The following PXDC1 variants were observed in gnomAD, a reference collection of about 807,000 sequenced individuals.
PXDC1 encodes PX domain-containing protein 1.
In PXDC1, 13 loss-of-function variants were observed where a neutral mutation model predicts 24.4. That is an observed-to-expected ratio of 0.53 (90% confidence interval 0.35 to 0.85). The LOEUF (loss-of-function observed/expected upper bound fraction) is 0.85, where lower values mean the gene tolerates loss of function less well. Ranked by LOEUF, PXDC1 falls within the 40% of genes least tolerant of loss-of-function variation. The probability of loss-of-function intolerance (pLI) is 0.01; values close to 1 mark genes in which losing one functional copy is unlikely to be tolerated. For missense variants in PXDC1, 344 were observed against 309.3 expected (o/e 1.11, Z -0.84); for synonymous variants, 162 against 124.9 (o/e 1.30, Z -1.98).
intron 3 of PXDC1, among the ~76,000 whole-genome samples, chr6:3,732,572 T>G (rs1760223359): frequency 6.6e-6 from 1 of 152,230 alleles, no homozygotes; most frequent in South Asian, 2.1e-4. Context: ...ACGCTCTAAA[T>G]TCTTGCTTTC....
At chr6:3,735,152 G>C (rs1055300623) in intron 3 of PXDC1, among the ~76,000 whole-genome samples, 2 of 152,148 alleles carry the variant, frequency 1.3e-5, no homozygotes, top group African/African-American at 4.8e-5. Context: ...ATGCCAAATA[G>C]CCAAAGCAAT....
In PXDC1 at chr6:3,750,217, G is replaced by A. The variant is rs1025807121; in HGVS notation, c.256+1059C>T. Among the ~76,000 whole-genome samples the A allele has an allele frequency of 3.9e-5, 6 of 152,376 alleles. No homozygotes were observed. In the South Asian group the frequency reaches 6.2e-4, roughly 16 times the overall value. Reference sequence around the variant, plus strand: ...ACAGGTTATCTCAAGAACGCAGCCAGATAGGAGGCTGGGGAGACTTGGACG... The same window carrying A: ...ACAGGTTATCTCAAGAACGCAGCCAAATAGGAGGCTGGGGAGACTTGGACG... On this transcript the variant is annotated intron_variant, in intron 1 of 4. Transcript: ENST00000380283.
At chr6:3,733,642 G>C (rs1760251564) in intron 3 of PXDC1, among the ~76,000 whole-genome samples, 1 of 152,170 alleles carries the variant, frequency 6.6e-6, no homozygotes, top group Admixed American at 6.5e-5. Context: ...CTGCAAGGCT[G>C]CAAGAGGCCA....
rs1263464968 is a variant in PXDC1 at position 3,728,252 on chromosome 6, C to G, written c.467-590G>C. Among the ~76,000 whole-genome samples the G allele has an allele frequency of 6.6e-6, 1 of 152,202 alleles. No individual in the cohort carries two copies. The highest frequency in any genetic ancestry group is 6.5e-5 in the Admixed American group (1 of 15,280). On this transcript the variant is annotated intron_variant, in intron 3 of 4. Coordinates refer to ENST00000380283, the MANE Select transcript of PXDC1 (RefSeq NM_183373.4). This position sits in a 1 kb window ranked among gnomAD's most constrained non-coding sequence, Gnocchi z 4.0. ...GGATCCATCACCCAAGCAGGGTACA[C>G]TATACCCAGTAAGTAGTCTTTTATC...
chr6:3,733,657 G>A (rs184543535), intron 3 of PXDC1, among the ~76,000 whole-genome samples: 15 of 152,236 alleles, frequency 9.9e-5, no homozygotes, highest in Admixed American at 5.2e-4. Flanking sequence ...AGGCCATACC[G>A]CCTGCCGCCT....
At position 3,728,016 on chromosome 6, in the gene PXDC1, G is replaced by A. The variant is rs377538869; in HGVS notation, c.467-354C>T. ...GTCTGCGTGTGAGAGCAGAGCTATG[G>A]CACAGTGACATGTGGCTCTGCCCAG... On this transcript the variant is annotated intron_variant, in intron 3 of 4. Transcript: ENST00000380283. The surrounding 1 kb of genome is among the most constrained non-coding windows in gnomAD (Gnocchi z 4.0). 2.5e-3 allele frequency among the ~76,000 whole-genome samples: 375 copies of A among 152,288 alleles called. 3 individuals are homozygous for A. The highest frequency in any genetic ancestry group is 3.9e-3 in the Non-Finnish European group (265 of 68,022).
At position 3,724,917 on chromosome 6, in the gene PXDC1, G is replaced by A. The variant is rs1175060085; in HGVS notation, c.579-1181C>T. 6.6e-6 allele frequency among the ~76,000 whole-genome samples: 1 copy of A among 152,068 alleles called. No individual in the cohort carries two copies. The highest frequency in any genetic ancestry group is 1.5e-5 in the Non-Finnish European group (1 of 68,040). ...AAGAAAGGCTGAGGCTGCAGAGGAAGGCCTCCCCTCTGACTCCATGGCCAG... is the reference window on the plus strand; with the variant it reads ...AAGAAAGGCTGAGGCTGCAGAGGAAAGCCTCCCCTCTGACTCCATGGCCAG... On this transcript the variant is annotated intron_variant, in intron 4 of 4. Coordinates refer to ENST00000380283, the MANE Select transcript of PXDC1 (RefSeq NM_183373.4). This position sits in a 1 kb window ranked among gnomAD's most constrained non-coding sequence, Gnocchi z 4.5.
rs762534682 is a variant in PXDC1 at position 3,728,521 on chromosome 6, G to A, written c.467-859C>T. Among the ~76,000 whole-genome samples the A allele has an allele frequency of 2.0e-5, 3 of 152,060 alleles. No homozygotes were observed. The highest frequency in any genetic ancestry group is 4.4e-5 in the Non-Finnish European group (3 of 68,012). On this transcript the variant is annotated intron_variant, in intron 3 of 4. Coordinates refer to ENST00000380283, the MANE Select transcript of PXDC1 (RefSeq NM_183373.4). This position sits in a 1 kb window ranked among gnomAD's most constrained non-coding sequence, Gnocchi z 4.0. ...TTTAGAAAAGCCAGCAAAGAAAAAC[G>A]ACTTCCTACGTCCATACTGGCTGCA...
At chr6:3,734,050 C>A (rs1172786462) in intron 3 of PXDC1, among the ~76,000 whole-genome samples, 1 of 152,382 alleles carries the variant, frequency 6.6e-6, no homozygotes, top group East Asian at 1.9e-4. Context: ...CCCCATCACA[C>A]ACGGAAGGCC....
intron 1 of PXDC1, among the ~76,000 whole-genome samples, chr6:3,739,461 G>A (rs962092903): frequency 6.6e-5 from 10 of 152,256 alleles, no homozygotes; most frequent in African/African-American, 1.7e-4. Context: ...CCCCTCCACT[G>A]ACCTCAGCCA....
intron 3 of PXDC1, among the ~76,000 whole-genome samples, chr6:3,730,285 C>G (rs1760166390): frequency 6.6e-6 from 1 of 152,196 alleles, no homozygotes; most frequent in South Asian, 2.1e-4. Context: ...ACACAGCTGG[C>G]AGGTGTGCAG....
intron 4 of PXDC1, among the ~76,000 whole-genome samples, chr6:3,727,037 G>A (rs1760085896): frequency 6.6e-6 from 1 of 152,264 alleles, no homozygotes; most frequent in African/African-American, 2.4e-5. Flanking sequence ...GGAGAGCCAA[G>A]GCTGAAGATG....
At chr6:3,743,102 T>C (rs1282603657) in intron 1 of PXDC1, among the ~76,000 whole-genome samples, 1 of 152,194 alleles carries the variant, frequency 6.6e-6, no homozygotes, top group African/African-American at 2.4e-5. Context: ...ATTGGAGGCT[T>C]TGGGCTCAAC....
intron 1 of PXDC1, chr6:3,739,151 G>A (rs1020887781): frequency 2.1e-5 from 25 of 1,163,698 alleles, no homozygotes; most frequent in Middle Eastern, 4.0e-4. Flanking sequence ...CAAGCAATTC[G>A]TTGAATAGGT....
Position 3,730,533 on chromosome 6 carries a change from A to C in PXDC1, c.467-2871T>G, listed in dbSNP as rs370558929. Among the ~76,000 whole-genome samples the C allele has an allele frequency of 1.9e-3, 291 of 152,214 alleles. 1 individual carries two copies. The highest frequency in any genetic ancestry group is 0.013 in the South Asian group (63 of 4,818). On this transcript the variant is annotated intron_variant, in intron 3 of 4. Transcript: ENST00000380283. ...CACAGTTTAAAAAAAAAAAAAGAAGAAAAAACATTTAGCTGTAGCAAGCCT... is the reference window on the plus strand; with the variant it reads ...CACAGTTTAAAAAAAAAAAAAGAAGCAAAAACATTTAGCTGTAGCAAGCCT...
At chr6:3,730,383 C>A (rs181223345) in intron 3 of PXDC1, among the ~76,000 whole-genome samples, 29 of 152,290 alleles carry the variant, frequency 1.9e-4, no homozygotes, top group Admixed American at 1.1e-3. Flanking sequence ...GGGAAGTGTG[C>A]ACAGCTTTTA....
At chr6:3,733,594 A>G (rs1760250200) in intron 3 of PXDC1, among the ~76,000 whole-genome samples, 1 of 152,110 alleles carries the variant, frequency 6.6e-6, no homozygotes, top group East Asian at 1.9e-4. Context: ...GAGAAGAGGA[A>G]GAGGAGGAAA....
At chr6:3,736,365 C>G (rs1581246161) in intron 3 of PXDC1, among the ~76,000 whole-genome samples, 3 of 152,210 alleles carry the variant, frequency 2.0e-5, no homozygotes, top group South Asian at 4.1e-4. Context: ...TCTCATGAGT[C>G]CCCCCTTCCC....
At chr6:3,730,049 T>C (rs1760160199) in intron 3 of PXDC1, among the ~76,000 whole-genome samples, 1 of 152,176 alleles carries the variant, frequency 6.6e-6, no homozygotes, top group Admixed American at 6.5e-5. Context: ...TGCACATACA[T>C]GTGGTTTAAT....
Sources: allele counts gnomAD v4.1 joint callset (sites outside exome capture counted in the v4.1 genomes callset), GRCh38; gene constraint gnomAD v4.1.1; non-coding constraint Gnocchi (gnomAD v3.1); transcripts MANE v1.5; gene names NCBI Gene and HGNC (gene_info 2026-07-23, HGNC 2026-07-21).